Variants in DNMT3A observed in about 807,000 individuals in gnomAD.
The protein encoded by DNMT3A is DNA methyltransferase 3 alpha.
DNMT3A carries 267 observed loss-of-function variants against 117.6 expected under a neutral mutation model. That is an observed-to-expected ratio of 2.27 (90% CI 2.05 to 2.51). The LOEUF is 2.51. Among genes scored for constraint, DNMT3A ranks in the 30% most tolerant of loss-of-function variants. DNMT3A has a pLI of 0.00. For synonymous variants in DNMT3A, 432 were observed against 474.8 expected, an observed-to-expected ratio of 0.91 and a Z score of 1.17; for missense variants, 1,029 against 1,260.2, an observed-to-expected ratio of 0.82 and a Z score of 2.78.
At chr2:25,308,968 TACAC>T (rs10628428) in intron 2 of DNMT3A, among the ~76,000 whole-genome samples, 120 of 144,114 alleles carry the variant, frequency 8.3e-4, no homozygotes, top group Middle Eastern at 3.5e-3. Flanking sequence ...CACAGATGCA[TACAC>T]ACACACACAC....
intron 1 of DNMT3A, among the ~76,000 whole-genome samples, chr2:25,321,187 A>T (rs1360823813): frequency 2.6e-5 from 4 of 151,720 alleles, no homozygotes; most frequent in African/African-American, 9.7e-5. Flanking sequence ...AAAAAAAAAG[A>T]TTCTCCTTAC....
chr2:25,255,569 G>A (rs1676036305), intron 6 of DNMT3A, among the ~76,000 whole-genome samples: 1 of 152,190 alleles, frequency 6.6e-6, no homozygotes, highest in Non-Finnish European at 1.5e-5. Context: ...AGACAACAGT[G>A]ATCCCATAGG....
intron 6 of DNMT3A, among the ~76,000 whole-genome samples, chr2:25,268,504 C>G (rs557095707): frequency 2.0e-5 from 3 of 152,168 alleles, no homozygotes; most frequent in Non-Finnish European, 4.4e-5. Context: ...AGCGAGAGGC[C>G]CTTCCTAACC....
intron 6 of DNMT3A, among the ~76,000 whole-genome samples, chr2:25,266,390 T>C (rs1241785924): frequency 2.6e-5 from 4 of 152,220 alleles, no homozygotes; most frequent in African/African-American, 9.6e-5. Context: ...ATAATTTGTT[T>C]TGAGCCTTTA....
At chr2:25,328,479 C>T (rs146563513) in intron 1 of DNMT3A, among the ~76,000 whole-genome samples, 72 of 152,300 alleles carry the variant, frequency 4.7e-4, no homozygotes, top group Middle Eastern at 3.4e-3. Context: ...CCCTTCTCCT[C>T]GACCACCCAC....
At chr2:25,310,500 G>A (rs2034054185) in intron 2 of DNMT3A, among the ~76,000 whole-genome samples, 1 of 152,010 alleles carries the variant, frequency 6.6e-6, no homozygotes. Context: ...GGTGCCAGGG[G>A]GACACACACA....
upstream of DNMT3A, chr2:25,342,018 G>T: frequency 1.2e-6 from 1 of 864,394 alleles, no homozygotes; most frequent in Non-Finnish European, 1.4e-6. This position sits in a 1 kb window ranked among gnomAD's most constrained non-coding sequence, Gnocchi z 5.9. Context: ...CTCCTCCGCC[G>T]GGTCCCCCCC....
At chr2:25,338,327 G>A (rs2035285962) in intron 1 of DNMT3A, among the ~76,000 whole-genome samples, 2 of 152,226 alleles carry the variant, frequency 1.3e-5, no homozygotes, top group African/African-American at 4.8e-5. Flanking sequence ...CTGACATTTC[G>A]GGCCCAAAGA....
intron 2 of DNMT3A, 126 bp downstream of exon 2, chr2:25,313,787 C>A: frequency 7.1e-7 from 1 of 1,417,892 alleles, no homozygotes; most frequent in Non-Finnish European, 9.6e-7. Flanking sequence ...GTGATGGTCC[C>A]ACACCCTGTC....
intron 1 of DNMT3A, among the ~76,000 whole-genome samples, chr2:25,325,505 A>T (rs1192374192): frequency 1.3e-5 from 2 of 152,156 alleles, no homozygotes; most frequent in Non-Finnish European, 2.9e-5. Flanking sequence ...CCAGCTCCAG[A>T]GCCTCTATCA....
chr2:25,239,267 C>G, intron 19 of DNMT3A, 52 bp from the exon 20 acceptor site: 1 of 1,529,356 alleles, frequency 6.5e-7, no homozygotes, highest in Non-Finnish European at 9.0e-7. Context: ...CATGAAACAG[C>G]GCCGGCATGC....
At chr2:25,317,590 G>C (rs1225214066) in intron 1 of DNMT3A, among the ~76,000 whole-genome samples, 1 of 152,230 alleles carries the variant, frequency 6.6e-6, no homozygotes, top group Non-Finnish European at 1.5e-5. Context: ...GGCTGAGTGA[G>C]AGTAGTGAAT....
chr2:25,310,655 C>T (rs1036319905), intron 2 of DNMT3A, among the ~76,000 whole-genome samples: 4 of 152,138 alleles, frequency 2.6e-5, no homozygotes, highest in South Asian at 4.1e-4. Flanking sequence ...CCGTTCTATC[C>T]GTAAAATATT....
chr2:25,294,117 C>T lies in DNMT3A; in HGVS notation c.177+6022G>A, dbSNP rs2032946897. Among the ~76,000 whole-genome samples the T allele has an allele frequency of 6.6e-6, 1 of 152,180 alleles. No homozygotes were observed. The highest frequency in any genetic ancestry group is 1.5e-5 in the Non-Finnish European group (1 of 68,032). On this transcript the variant is annotated intron_variant, in intron 3 of 22. Transcript: ENST00000321117. The surrounding 1 kb of genome is among the most constrained non-coding windows in gnomAD (Gnocchi z 4.7). Reference sequence around the variant, plus strand: ...CCCAGCTCAGCTGGGGTCGGGGGTGCCTCTCACTTTCCCCTTGACTTCTCC... The same window carrying T: ...CCCAGCTCAGCTGGGGTCGGGGGTGTCTCTCACTTTCCCCTTGACTTCTCC...
rs151029763 is a variant in DNMT3A, at chr2:25,263,562, T to C, written c.639+11379A>G. Among the ~76,000 whole-genome samples, 263 of 152,312 alleles carry C rather than the reference T, an allele frequency of 1.7e-3. 1 individual carries two copies. Among genetic ancestry groups the C allele is most frequent in the African/African-American group, 6.2e-3 (258 of 41,570 alleles). The stretch of plus-strand genomic sequence containing the variant: ...CCATTAACTCCTTTAACGAGTGTAC[T>C]GGCCTCTTAATAAAGCGGCAGAGGG... On this transcript the variant is annotated intron_variant, in intron 6 of 22. Coordinates refer to ENST00000321117, the MANE Select transcript of DNMT3A (RefSeq NM_022552.5).
intron 1 of DNMT3A, among the ~76,000 whole-genome samples, chr2:25,332,973 T>C (rs1032403893): frequency 1.3e-5 from 2 of 152,072 alleles, no homozygotes; most frequent in African/African-American, 4.8e-5. Context: ...AAGAGACCAG[T>C]GGGCAGGGAG....
chr2:25,334,191 G>A (rs986166316), intron 1 of DNMT3A, among the ~76,000 whole-genome samples: 1 of 152,200 alleles, frequency 6.6e-6, no homozygotes, highest in African/African-American at 2.4e-5. Context: ...GGGTAAGGTG[G>A]AAGAGGGTGG....
intron 16 of DNMT3A, among the ~76,000 whole-genome samples, chr2:25,242,310 C>G (rs1422329688): frequency 2.0e-5 from 3 of 152,098 alleles, no homozygotes; most frequent in Non-Finnish European, 4.4e-5. Context: ...CCCGAGCTAA[C>G]CACACAGATT....
At position 25,245,262 on chromosome 2, in the gene DNMT3A, T is replaced by G; in HGVS notation, c.1545A>C (p.Gln515His). The change falls in exon 13 of 23, where the codon CAA (glutamine) becomes CAC (histidine). Residue 515 changes from glutamine to histidine, a missense_variant. Coordinates refer to ENST00000321117, the MANE Select transcript of DNMT3A (RefSeq NM_022552.5). ...GTGGGTGTGCTCCTACCTTGCAGTT[T>G]TGGCACATTCCTCCAACGAAGAGGG... is the stretch of plus-strand genomic sequence containing the variant. ...EHPLFVGGMC[Q>H]NCKNCFLECA... The G allele has an allele frequency of 1.2e-6, 2 of 1,613,906 alleles. No homozygotes were observed. The highest frequency in any genetic ancestry group is 8.5e-7 in the Non-Finnish European group (1 of 1,179,980).
Sources: allele counts gnomAD v4.1 joint callset (sites outside exome capture counted in the v4.1 genomes callset), GRCh38; gene constraint gnomAD v4.1.1; non-coding constraint Gnocchi (gnomAD v3.1); transcripts MANE v1.5; gene names NCBI Gene and HGNC (gene_info 2026-07-23, HGNC 2026-07-21).